Variants in DYM observed in about 807,000 individuals in gnomAD.
DYM encodes the protein dymeclin, also known as dyggve-Melchior-Clausen syndrome protein.
Under a neutral mutation model 93.1 loss-of-function variants are expected in DYM, and 78 were observed. The ratio of observed to expected loss-of-function variants is 0.84; its 90% CI spans 0.70 to 1.01. The LOEUF is 1.01. Among genes scored for constraint, DYM ranks in the 50% least tolerant of loss-of-function variants. DYM has a pLI of 0.00. For missense variants in DYM, 789 were observed against 845.0 expected, an observed-to-expected ratio of 0.93 and a Z score of 0.82; for synonymous variants, 321 against 319.7, an observed-to-expected ratio of 1.00 and a Z score of -0.04.
intron 16 of DYM, among the ~76,000 whole-genome samples, chr18:49,103,258 G>C (rs1458675920): frequency 6.6e-6 from 1 of 151,848 alleles, no homozygotes; most frequent in Non-Finnish European, 1.5e-5. Flanking sequence ...CTTTTTGGTG[G>C]GGTTGTTTTT....
At chr18:49,264,741 G>A (rs1157078124) in intron 11 of DYM, among the ~76,000 whole-genome samples, 4 of 152,152 alleles carry the variant, frequency 2.6e-5, no homozygotes, top group Non-Finnish European at 5.9e-5. Context: ...ATATCAAAAG[G>A]AATAAATGTG....
intron 15 of DYM, among the ~76,000 whole-genome samples, chr18:49,125,198 T>C (rs1422845261): frequency 6.6e-6 from 1 of 152,076 alleles, no homozygotes; most frequent in Non-Finnish European, 1.5e-5. Context: ...AGGCGGAGGT[T>C]GCAGTGAGCC....
At chr18:49,199,677 A>G (rs1415225121) in intron 14 of DYM, among the ~76,000 whole-genome samples, 3 of 152,250 alleles carry the variant, frequency 2.0e-5, no homozygotes, top group Non-Finnish European at 4.4e-5. Flanking sequence ...ATGAAAAATT[A>G]TTACTATAGC....
intron 17 of DYM, among the ~76,000 whole-genome samples, chr18:49,054,890 G>A (rs565128156): frequency 1.1e-4 from 16 of 152,350 alleles, no homozygotes; most frequent in Non-Finnish European, 1.5e-4. Flanking sequence ...ATAAAGTGGA[G>A]CCCCATGCTC....
intron 13 of DYM, among the ~76,000 whole-genome samples, chr18:49,224,676 A>G (rs1009764144): frequency 6.6e-6 from 1 of 152,088 alleles, no homozygotes; most frequent in Non-Finnish European, 1.5e-5. Flanking sequence ...TCTTTGGGTC[A>G]GTAAGCAGGT....
intron 8 of DYM, among the ~76,000 whole-genome samples, chr18:49,309,969 A>T (rs933711609): frequency 1.3e-5 from 2 of 152,226 alleles, no homozygotes; most frequent in Non-Finnish European, 2.9e-5. Context: ...GGTTCAGTGT[A>T]TAGCCAGCCA....
At chr18:49,216,652 G>A (rs1398760544) in intron 13 of DYM, among the ~76,000 whole-genome samples, 1 of 152,202 alleles carries the variant, frequency 6.6e-6, no homozygotes, top group East Asian at 1.9e-4. Flanking sequence ...AGGGTCTGGA[G>A]TGGACCTCTA....
In DYM at chr18:49,037,771, G is replaced by C. The variant is rs971544445; in HGVS notation, c.*6284C>G. ...AAAATTATCTTTTTGTAAATAATTA[G>C]TCTTGATTCTATTATGGTCAGAGAA... On this transcript the variant is annotated 3_prime_UTR_variant, in exon 18 of 18. Transcript: ENST00000675505. Among the ~76,000 whole-genome samples, 1 of 152,074 alleles carries C rather than the reference G, an allele frequency of 6.6e-6. No homozygotes were observed. The highest frequency in any genetic ancestry group is 2.4e-5 in the African/African-American group (1 of 41,394).
At chr18:49,090,921 G>T (rs1015651822) in intron 17 of DYM, among the ~76,000 whole-genome samples, 1 of 152,114 alleles carries the variant, frequency 6.6e-6, no homozygotes, top group Admixed American at 6.6e-5. Flanking sequence ...TTCACAGTAG[G>T]GTTTTGTAGC....
chr18:49,425,544 G>C (rs1200672698), intron 2 of DYM, among the ~76,000 whole-genome samples: 1 of 152,016 alleles, frequency 6.6e-6, no homozygotes, highest in Non-Finnish European at 1.5e-5. Flanking sequence ...ATTGACAAAT[G>C]GGATCTAATT....
At chr18:49,387,681 C>CTTA (rs2068770156) in intron 3 of DYM, among the ~76,000 whole-genome samples, 1 of 152,146 alleles carries the variant, frequency 6.6e-6, no homozygotes, top group Non-Finnish European at 1.5e-5. Flanking sequence ...AATTAAGATA[C>CTTA]ATACATTTAA....
chr18:49,270,111 C>T (rs915778370), intron 11 of DYM, among the ~76,000 whole-genome samples: 1 of 152,190 alleles, frequency 6.6e-6, no homozygotes, highest in African/African-American at 2.4e-5. Context: ...ACAGCCTAGG[C>T]GTGTAGTAGG....
chr18:49,396,450 A>T (rs567570956), intron 2 of DYM, among the ~76,000 whole-genome samples: 5 of 152,252 alleles, frequency 3.3e-5, no homozygotes, highest in Admixed American at 3.3e-4. Flanking sequence ...AGCATCCCTA[A>T]TCCAAAAATC....
At chr18:49,117,037 T>C (rs759823305) in intron 16 of DYM, among the ~76,000 whole-genome samples, 1 of 152,088 alleles carries the variant, frequency 6.6e-6, no homozygotes, top group Non-Finnish European at 1.5e-5. Flanking sequence ...CTACATGGAG[T>C]CCTGGTTCAT....
intron 16 of DYM, among the ~76,000 whole-genome samples, chr18:49,109,316 G>A (rs10468999): frequency 0.11 from 17,468 of 152,112 alleles, 1,247 homozygotes; most frequent in African/African-American, 0.2. Flanking sequence ...TTTCCTGCCT[G>A]CCTTTGGACT....
chr18:49,192,683 TAC>T (rs1193058590), intron 14 of DYM, among the ~76,000 whole-genome samples: 1 of 152,212 alleles, frequency 6.6e-6, no homozygotes, highest in Non-Finnish European at 1.5e-5. Flanking sequence ...TTTTATAGAA[TAC>T]AGTAGTTTGA....
chr18:49,185,922 C>T (rs979059333), intron 14 of DYM, among the ~76,000 whole-genome samples: 6 of 152,100 alleles, frequency 3.9e-5, no homozygotes, highest in African/African-American at 1.4e-4. Context: ...ACTGTTTCTG[C>T]TTGTCCTGAC....
At chr18:49,225,331 C>T (rs1327760543) in intron 13 of DYM, among the ~76,000 whole-genome samples, 3 of 152,108 alleles carry the variant, frequency 2.0e-5, no homozygotes, top group Non-Finnish European at 4.4e-5. Context: ...AAGCACAACC[C>T]TTGAATCATT....
At chr18:49,161,182 G>C (rs921209369) in intron 15 of DYM, among the ~76,000 whole-genome samples, 2 of 151,442 alleles carry the variant, frequency 1.3e-5, no homozygotes, top group South Asian at 2.1e-4. Flanking sequence ...TTTTTACTTA[G>C]TGAAAATTTT....
Sources: allele counts gnomAD v4.1 joint callset (sites outside exome capture counted in the v4.1 genomes callset), GRCh38; gene constraint gnomAD v4.1.1; transcripts MANE v1.5; gene names NCBI Gene and HGNC (gene_info 2026-07-23, HGNC 2026-07-21).